Variants in GRIK2 observed in about 807,000 individuals in gnomAD.
GRIK2 encodes glutamate ionotropic receptor kainate type subunit 2.
In GRIK2, 32 loss-of-function variants were observed where a neutral mutation model predicts 100.3. The observed-to-expected ratio is 0.32, with a 90% CI of 0.24 to 0.43. GRIK2 has a LOEUF of 0.43. Ranked by LOEUF, GRIK2 falls within the 20% of genes least tolerant of loss-of-function variation. The probability of loss-of-function intolerance (pLI) is 1.00; values close to 1 mark genes in which losing one functional copy is unlikely to be tolerated. For missense variants in GRIK2, 843 were observed against 1,114.9 expected (o/e 0.76, Z 3.47); for synonymous variants, 417 against 389.4 (o/e 1.07, Z -0.83).
rs114043703 is a variant in GRIK2 at position 101,528,173 on chromosome 6, C to T, written c.116-93776C>T. Among the ~76,000 whole-genome samples, 780 of 152,204 alleles carry T rather than the reference C, an allele frequency of 5.1e-3. 9 individuals are homozygous for T. The highest frequency in any genetic ancestry group is 0.018 in the African/African-American group (743 of 41,530). On this transcript the variant is annotated intron_variant, in intron 2 of 16. Transcript: ENST00000369134. ...TACAGAGTGCTTAGACTGGTGCTGG[C>T]ACTAAGCAAGCATCTAGTAAATATT... is the stretch of plus-strand genomic sequence containing the variant.
chr6:101,537,476 G>C (rs549243206), intron 2 of GRIK2, among the ~76,000 whole-genome samples: 1 of 150,780 alleles, frequency 6.6e-6, no homozygotes, highest in Non-Finnish European at 1.5e-5. Context: ...GTGTGTGTGT[G>C]TTTAAGCAAA....
At chr6:102,058,374 C>T (rs949684394) in intron 16 of GRIK2, among the ~76,000 whole-genome samples, 1 of 151,688 alleles carries the variant, frequency 6.6e-6, no homozygotes, top group East Asian at 1.9e-4. Flanking sequence ...ACCTACCTAC[C>T]TATCTACCTA....
intron 14 of GRIK2, among the ~76,000 whole-genome samples, chr6:102,034,196 A>G (rs1582759622): frequency 6.6e-6 from 1 of 151,344 alleles, no homozygotes; most frequent in East Asian, 2.0e-4. Flanking sequence ...CACTCATTGT[A>G]CCTTTTTCTT....
chr6:101,910,095 ATTATT>A (rs1788568723), intron 12 of GRIK2, among the ~76,000 whole-genome samples: 2 of 151,194 alleles, frequency 1.3e-5, no homozygotes, highest in Admixed American at 1.3e-4. Flanking sequence ...AATCACTTAA[ATTATT>A]TTAAATATCT....
At chr6:101,461,461 T>C (rs1304200275) in intron 2 of GRIK2, among the ~76,000 whole-genome samples, 1 of 152,164 alleles carries the variant, frequency 6.6e-6, no homozygotes, top group Non-Finnish European at 1.5e-5. Context: ...TTCCTTACCT[T>C]ATGGCCCACT....
chr6:101,498,876 G>A (rs977887366), intron 2 of GRIK2, among the ~76,000 whole-genome samples: 1 of 152,090 alleles, frequency 6.6e-6, no homozygotes, highest in African/African-American at 2.4e-5. Flanking sequence ...AGTTTAATTA[G>A]ATCTCATTTG....
chr6:102,063,810 TA>T, intron 16 of GRIK2: 1 of 487,042 alleles, frequency 2.1e-6, no homozygotes, highest in South Asian at 3.7e-5. Context: ...AAGTTCATAC[TA>T]TCAAGATTTC....
chr6:101,910,685 A>C, intron 12 of GRIK2, among the ~76,000 whole-genome samples: 1 of 151,476 alleles, frequency 6.6e-6, no homozygotes, highest in East Asian at 1.9e-4. Flanking sequence ...AAATAAAATA[A>C]TAGATCTGCC....
chr6:102,009,895 T>A (rs1420416313), intron 14 of GRIK2, among the ~76,000 whole-genome samples: 2 of 152,134 alleles, frequency 1.3e-5, no homozygotes, highest in Non-Finnish European at 1.5e-5. Context: ...GTTAAAAGAT[T>A]TTAGAAACCA....
At chr6:101,492,155 C>G (rs142093003) in intron 2 of GRIK2, among the ~76,000 whole-genome samples, 2 of 151,748 alleles carry the variant, frequency 1.3e-5, no homozygotes, top group Admixed American at 6.6e-5. Flanking sequence ...TACTTTGTCT[C>G]CAGTTGAAAG....
At chr6:101,512,510 A>C (rs1230122052) in intron 2 of GRIK2, among the ~76,000 whole-genome samples, 1 of 152,090 alleles carries the variant, frequency 6.6e-6, no homozygotes, top group Non-Finnish European at 1.5e-5. Context: ...CAACTGATGC[A>C]TTTCCATCTC....
chr6:101,767,138 C>T (rs1430010313), intron 7 of GRIK2, among the ~76,000 whole-genome samples: 1 of 152,134 alleles, frequency 6.6e-6, no homozygotes, highest in Admixed American at 6.5e-5. Flanking sequence ...ATAACTGCTA[C>T]TTTTAATTGA....
chr6:101,812,560 C>A (rs1424727021), intron 9 of GRIK2, among the ~76,000 whole-genome samples: 1 of 151,688 alleles, frequency 6.6e-6, no homozygotes, highest in African/African-American at 2.4e-5. Flanking sequence ...GTTCAGAGAT[C>A]TCACATATAA....
chr6:101,483,223 T>C (rs1772629684), intron 2 of GRIK2, among the ~76,000 whole-genome samples: 1 of 152,218 alleles, frequency 6.6e-6, no homozygotes, highest in Non-Finnish European at 1.5e-5. Flanking sequence ...ATTCAATAAC[T>C]TATGGAATTC....
chr6:101,942,179 C>T (rs1790997122), intron 14 of GRIK2, among the ~76,000 whole-genome samples: 1 of 152,136 alleles, frequency 6.6e-6, no homozygotes, highest in Admixed American at 6.5e-5. Context: ...TGTTTCCCCA[C>T]ACAAATCTCA....
At chr6:101,835,725 A>G (rs1008067873) in intron 10 of GRIK2, among the ~76,000 whole-genome samples, 4 of 147,328 alleles carry the variant, frequency 2.7e-5, no homozygotes, top group Non-Finnish European at 4.5e-5. Flanking sequence ...TCGGCCTCCC[A>G]AAGTGCTGGG....
chr6:101,936,369 C>T (rs944313043), intron 14 of GRIK2, among the ~76,000 whole-genome samples: 12 of 151,852 alleles, frequency 7.9e-5, no homozygotes, highest in East Asian at 1.9e-4. Flanking sequence ...CATTAGATTA[C>T]GTGGTAGTAT....
chr6:101,490,032 AATT>A (rs1314314826), intron 2 of GRIK2, among the ~76,000 whole-genome samples: 1 of 146,494 alleles, frequency 6.8e-6, no homozygotes, highest in African/African-American at 2.6e-5. Context: ...GAATTAATCT[AATT>A]AAGAGTATGT....
chr6:101,785,857 G>A (rs1363852480), intron 7 of GRIK2, among the ~76,000 whole-genome samples: 1 of 151,990 alleles, frequency 6.6e-6, no homozygotes, highest in Non-Finnish European at 1.5e-5. Flanking sequence ...TTTCTGTGAA[G>A]AATGTCATGA....
Sources: gnomAD v4.1 joint callset for allele counts (sites outside exome capture counted in the v4.1 genomes callset) on GRCh38, gnomAD v4.1.1 for gene constraint, MANE v1.5 for transcripts, NCBI Gene and HGNC (gene_info 2026-07-23, HGNC 2026-07-21) for gene names.